TTC39A: variants seen among roughly 807,000 people sequenced by gnomAD.
The protein encoded by TTC39A is tetratricopeptide repeat protein 39A.
Under a neutral mutation model 82.3 loss-of-function variants are expected in TTC39A, and 46 were observed. The ratio of observed to expected loss-of-function variants is 0.56; its 90% CI spans 0.44 to 0.71. TTC39A has a LOEUF of 0.71. Ranked by LOEUF, TTC39A falls within the 30% of genes least tolerant of loss-of-function variation. The pLI, the probability that TTC39A is intolerant of heterozygous loss-of-function variation, is 0.00. For synonymous variants in TTC39A, 254 were observed against 275.2 expected, an observed-to-expected ratio of 0.92 and a Z score of 0.76; for missense variants, 543 against 712.9, an observed-to-expected ratio of 0.76 and a Z score of 2.71.
At chr1:51,320,828 G>T (rs1232033528) in intron 2 of TTC39A, among the ~76,000 whole-genome samples, 1 of 151,248 alleles carries the variant, frequency 6.6e-6, no homozygotes. Context: ...TGGGGCAGGG[G>T]TGTAAGAAAG....
Position 51,311,234 on chromosome 1 carries a change from G to A in TTC39A, c.423+20C>T. 1 of 1,565,184 alleles carries A rather than the reference G, an allele frequency of 6.4e-7. No individual in the cohort carries two copies. The highest frequency in any genetic ancestry group is 1.4e-5 in the African/African-American group (1 of 74,024). The stretch of plus-strand genomic sequence containing the variant: ...GATCTTCTGAAATCCCAGCCTCTTT[G>A]TACAAGTGGGGGTCCCTACCTGCAG... On this transcript the variant is annotated intron_variant, in intron 5 of 17. Coordinates refer to ENST00000680483, the MANE Select transcript of TTC39A (RefSeq NM_001297663.2).
chr1:51,342,162 G>T (rs976914916), intron 1 of TTC39A, among the ~76,000 whole-genome samples: 3 of 152,164 alleles, frequency 2.0e-5, no homozygotes, highest in African/African-American at 7.2e-5. Flanking sequence ...GGCTGAGTAG[G>T]GTGCGGTCCC....
At chr1:51,305,910 G>A in intron 7 of TTC39A, 67 bp downstream of exon 7, 2 of 1,492,356 alleles carry the variant, frequency 1.3e-6, no homozygotes, top group Non-Finnish European at 1.9e-6. Flanking sequence ...GACCACACAT[G>A]AGTCAGGGAC....
intron 16 of TTC39A, among the ~76,000 whole-genome samples, chr1:51,289,796 G>A (rs912726292): frequency 2.0e-4 from 30 of 152,220 alleles, no homozygotes; most frequent in African/African-American, 6.8e-4. Context: ...CTGTAGTCAG[G>A]CAATTTGGTG....
chr1:51,331,423 C>A, upstream of TTC39A: 1 of 1,438,814 alleles, frequency 7.0e-7, no homozygotes, highest in South Asian at 1.4e-5. Context: ...CATGACTCAT[C>A]AGAGCATGTG....
In TTC39A at chr1:51,317,268, G is replaced by T. The variant is rs529385187; in HGVS notation, c.147-4325C>A. Among the ~76,000 whole-genome samples the T allele has an allele frequency of 2.6e-5, 4 of 152,364 alleles. No homozygotes were observed. The South Asian group carries it at 6.2e-4, about 24-fold the overall frequency. ...TCTTCTGAAGCTTTGGTGGCCATCA[G>T]TGAGGAAGGGAGGCTGTTTTCCAGC... On this transcript the variant is annotated intron_variant, in intron 2 of 17. Transcript: ENST00000680483.
At chr1:51,319,648 A>G (rs1645418110) in intron 2 of TTC39A, among the ~76,000 whole-genome samples, 1 of 151,290 alleles carries the variant, frequency 6.6e-6, no homozygotes, top group African/African-American at 2.4e-5. Flanking sequence ...GGAAAAAAAT[A>G]TATTTATGCA....
chr1:51,310,677 G>A (rs778117104), intron 5 of TTC39A, among the ~76,000 whole-genome samples: 1 of 152,192 alleles, frequency 6.6e-6, no homozygotes, highest in African/African-American at 2.4e-5. Flanking sequence ...ACCGTGTGGT[G>A]AGGAGACCTG....
At chr1:51,290,842 T>TGAA (rs1644183210) in intron 14 of TTC39A, among the ~76,000 whole-genome samples, 1 of 152,190 alleles carries the variant, frequency 6.6e-6, no homozygotes, top group Admixed American at 6.5e-5. Flanking sequence ...CTTACCCCAG[T>TGAA]GAAGATGTAA....
At chr1:51,315,937 G>A (rs572379301) in intron 2 of TTC39A, among the ~76,000 whole-genome samples, 1 of 152,174 alleles carries the variant, frequency 6.6e-6, no homozygotes, top group Non-Finnish European at 1.5e-5. Context: ...GCCCATGTTT[G>A]GTTTAATTCT....
chr1:51,322,284 G>A, intron 1 of TTC39A: 1 of 1,437,124 alleles, frequency 7.0e-7, no homozygotes, highest in Non-Finnish European at 9.2e-7. Context: ...CCCTGACGTT[G>A]TCACAATGGG....
chr1:51,326,035 C>T (rs1257543604), intron 1 of TTC39A: 1 of 152,456 alleles, frequency 6.6e-6, no homozygotes, highest in Non-Finnish European at 1.5e-5. Flanking sequence ...ACCCGCGAAT[C>T]TCGTGCTCTA....
intron 6 of TTC39A, among the ~76,000 whole-genome samples, chr1:51,306,853 A>ACCCCCCCCCCCCCCC (rs3068549): frequency 6.8e-4 from 41 of 60,192 alleles, no homozygotes; most frequent in Non-Finnish European, 8.9e-4. Context: ...TAAGGGACAG[A>ACCCCCCCCCCCCCCC]CCCCCCCCCC....
In TTC39A at chr1:51,320,857, G is replaced by A. The variant is rs565438626; in HGVS notation, c.146+864C>T. On this transcript the variant is annotated intron_variant, in intron 2 of 17. Coordinates refer to ENST00000680483, the MANE Select transcript of TTC39A (RefSeq NM_001297663.2). The stretch of plus-strand genomic sequence containing the variant: ...AAGAAAGCTAAATTCTCATCTATCA[G>A]TAGATGTTTTCTGGTTTTTTTTTTT... 1.0e-4 allele frequency among the ~76,000 whole-genome samples: 15 copies of A among 149,786 alleles called. 1 individual carries two copies. The South Asian group carries it at 2.7e-3, about 27-fold the overall frequency.
chr1:51,311,183 A>T, intron 5 of TTC39A, 71 bp downstream of exon 5: 6 of 1,437,096 alleles, frequency 4.2e-6, no homozygotes, highest in Non-Finnish European at 5.7e-6. Flanking sequence ...GCTCTAGGGG[A>T]TGGGTCATGG....
In TTC39A at chr1:51,312,734, T is replaced by C. The variant is rs1185361917; in HGVS notation, c.278+78A>G. 3.8e-6 allele frequency: 6 copies of C among 1,559,024 alleles called. No homozygotes were observed. The African/African-American group carries it at 4.1e-5, about 11-fold the overall frequency. ...AAAAGCAGCAGTGCGAATAGTGGCA[T>C]GTTAGGCCCTGGAATGGGCCAGGGT... On this transcript the variant is annotated intron_variant, in intron 3 of 17. Transcript: ENST00000680483.
chr1:51,321,734 AGCTGAGT>A lies in TTC39A; in HGVS notation c.126_132del (p.Leu43ThrfsTer14), dbSNP rs1645528220. The A allele has an allele frequency of 6.2e-7, 1 of 1,613,976 alleles. No homozygotes were observed. The highest frequency in any genetic ancestry group is 2.2e-5 in the East Asian group (1 of 44,886). ...CTTGAGCCTCACCTGGGCTTGAGGT[AGCTGAGT>A]GCTTCTGAGAACTGGTTGGTGAGGA... On this transcript the variant is annotated frameshift_variant, in exon 2 of 18. Transcript: ENST00000680483. LOFTEE classifies it high-confidence loss of function. This position sits in a 1 kb window ranked among gnomAD's most constrained non-coding sequence, Gnocchi z 4.6.
intron 12 of TTC39A, 75 bp from the exon 13 acceptor site, chr1:51,296,245 A>C: frequency 2.1e-6 from 3 of 1,426,336 alleles, no homozygotes; most frequent in Non-Finnish European, 2.9e-6. Flanking sequence ...CTGCAGACGG[A>C]CCTCACGTGG....
chr1:51,289,511 T>TC (rs1343093109), intron 16 of TTC39A, among the ~76,000 whole-genome samples: 1 of 152,172 alleles, frequency 6.6e-6, no homozygotes, highest in Non-Finnish European at 1.5e-5. Context: ...TTACTCCACT[T>TC]CAAACCTGTC....
Sources: gnomAD v4.1 joint callset for allele counts (sites outside exome capture counted in the v4.1 genomes callset) on GRCh38, gnomAD v4.1.1 for gene constraint, Gnocchi (gnomAD v3.1) non-coding constraint, MANE v1.5 for transcripts, NCBI Gene and HGNC (gene_info 2026-07-23, HGNC 2026-07-21) for gene names.